Variants in ATP9A observed in about 807,000 individuals in gnomAD.
The protein encoded by ATP9A is probable phospholipid-transporting ATPase IIA.
A neutral mutation model predicts 144.1 loss-of-function variants in ATP9A; 52 were observed. The ratio of observed to expected loss-of-function variants is 0.36; its 90% CI spans 0.29 to 0.45. The LOEUF is 0.45. ATP9A is among the 20% of genes least tolerant of loss of function. The pLI, the probability that ATP9A is intolerant of heterozygous loss-of-function variation, is 1.00. For synonymous variants in ATP9A, 582 were observed against 557.4 expected (o/e 1.04, Z -0.62); for missense variants, 947 against 1,392.7 (o/e 0.68, Z 5.09).
chr20:51,666,856 C>T (rs917165187), intron 13 of ATP9A, among the ~76,000 whole-genome samples: 1 of 152,054 alleles, frequency 6.6e-6, no homozygotes, highest in African/African-American at 2.4e-5. Flanking sequence ...TTCAACATGG[C>T]TGAACTTTCA....
At chr20:51,700,902 G>T (rs1481589423) in intron 4 of ATP9A, among the ~76,000 whole-genome samples, 1 of 152,136 alleles carries the variant, frequency 6.6e-6, no homozygotes, top group Non-Finnish European at 1.5e-5. Context: ...TTGGCAGAAC[G>T]ATTTCATGGC....
chr20:51,617,264 T>A lies in ATP9A; in HGVS notation c.2415+226A>T, dbSNP rs1018157071. ...CGGGCCTAGAAACACTTTTTCTTTT[T>A]TTAAATTCAGGTCGTGGCAAACAAA... On this transcript the variant is annotated intron_variant, in intron 22 of 27. Coordinates refer to ENST00000338821, the MANE Select transcript of ATP9A (RefSeq NM_006045.3). Among the ~76,000 whole-genome samples the A allele has an allele frequency of 8.5e-5, 13 of 152,308 alleles. 1 individual carries two copies. The highest frequency in any genetic ancestry group is 8.5e-4 in the Admixed American group (13 of 15,294).
chr20:51,619,319 T>G (rs1314679993), intron 19 of ATP9A, among the ~76,000 whole-genome samples: 1 of 152,010 alleles, frequency 6.6e-6, no homozygotes, highest in East Asian at 1.9e-4. Context: ...ATCCCAGCAC[T>G]TTGGGAGGCT....
At chr20:51,640,062 G>A (rs2077312161) in intron 14 of ATP9A, among the ~76,000 whole-genome samples, 1 of 152,100 alleles carries the variant, frequency 6.6e-6, no homozygotes. Flanking sequence ...TCCAGCCTGG[G>A]TGACATAGCG....
At chr20:51,754,022 G>A (rs1454725618) in intron 1 of ATP9A, among the ~76,000 whole-genome samples, 1 of 151,840 alleles carries the variant, frequency 6.6e-6, no homozygotes, top group Admixed American at 6.6e-5. Flanking sequence ...TCAATTAGAG[G>A]AAAACAAAGA....
At chr20:51,603,872 C>A (rs1240488379) in intron 27 of ATP9A, among the ~76,000 whole-genome samples, 1 of 152,162 alleles carries the variant, frequency 6.6e-6, no homozygotes. Context: ...CCTTCGCCTC[C>A]CGGGTTCAGG....
chr20:51,766,990 T>C (rs886466787), intron 1 of ATP9A, among the ~76,000 whole-genome samples: 8 of 151,864 alleles, frequency 5.3e-5, no homozygotes, highest in African/African-American at 1.9e-4. Flanking sequence ...TTTCCTCCTC[T>C]GGGTAATATC....
rs746375796 is a variant in ATP9A at position 51,605,030 on chromosome 20, C to A, written c.2804-10G>T. 3 of 1,595,240 alleles carry A rather than the reference C, an allele frequency of 1.9e-6. No individual in the cohort carries two copies. The highest frequency in any genetic ancestry group is 2.6e-6 in the Non-Finnish European group (3 of 1,170,196). ...TACATGATGGTGCTCCCTGCAAACA[C>A]CAGAGAAGGGTATTCCCCTCACCCT... On this transcript the variant is annotated splice_polypyrimidine_tract_variant and intron_variant, in intron 26 of 27. Coordinates refer to ENST00000338821, the MANE Select transcript of ATP9A (RefSeq NM_006045.3).
Position 51,706,962 on chromosome 20 carries a change from C to T in ATP9A, c.436+6004G>A, listed in dbSNP as rs187620604. On this transcript the variant is annotated intron_variant, in intron 4 of 27. Coordinates refer to ENST00000338821, the MANE Select transcript of ATP9A (RefSeq NM_006045.3). ...ACCCTTCCATAGCCTCAGGTTCTCA[C>T]TGGCCTGTGTGGTCTTCTCTGGAGA... Among the ~76,000 whole-genome samples the T allele has an allele frequency of 1.6e-3, 239 of 152,304 alleles. 1 individual carries two copies. The highest frequency in any genetic ancestry group is 2.3e-3 in the South Asian group (11 of 4,828).
At position 51,689,055 on chromosome 20, in the gene ATP9A, G is replaced by C. The variant is rs1568821474; in HGVS notation, c.799+9C>G. On this transcript the variant is annotated intron_variant, in intron 9 of 27. Coordinates refer to ENST00000338821, the MANE Select transcript of ATP9A (RefSeq NM_006045.3). ...AATTGCTACCACATTCCTCAAAACGGCGCCTCACCTGATGCGACCACAGTG... is the reference window on the plus strand; with the variant it reads ...AATTGCTACCACATTCCTCAAAACGCCGCCTCACCTGATGCGACCACAGTG... 4 of 1,613,230 alleles carry C rather than the reference G, an allele frequency of 2.5e-6. No individual in the cohort carries two copies. Among genetic ancestry groups the C allele is most frequent in the Non-Finnish European group, 3.4e-6 (4 of 1,179,514 alleles).
chr20:51,649,623 C>T lies in ATP9A; in HGVS notation c.1506+7315G>A, dbSNP rs116727560. On this transcript the variant is annotated intron_variant, in intron 14 of 27. Transcript: ENST00000338821. ...GGTGCAGCAATGATTTGCTTAAAAT[C>T]GCACAGCTAGGCCGGGTGCAGTAGT... Among the ~76,000 whole-genome samples the T allele has an allele frequency of 1.6e-4, 24 of 152,306 alleles. 1 individual carries two copies. Among genetic ancestry groups the T allele is most frequent in the African/African-American group, 5.5e-4 (23 of 41,576 alleles).
intron 3 of ATP9A, among the ~76,000 whole-genome samples, chr20:51,720,609 G>A (rs1387016604): frequency 4.6e-5 from 7 of 152,136 alleles, no homozygotes; most frequent in African/African-American, 9.7e-5. Flanking sequence ...CAAGGTGGAC[G>A]GATCACTTGA....
chr20:51,732,646 G>T (rs6091358), intron 1 of ATP9A: 35,162 of 143,456 alleles, frequency 0.25, 4,676 homozygotes, highest in Non-Finnish European at 0.27. Context: ...ACTCATTCTT[G>T]TTGGCCCCTT....
chr20:51,720,283 A>G (rs901287921), intron 3 of ATP9A, among the ~76,000 whole-genome samples: 1 of 152,242 alleles, frequency 6.6e-6, no homozygotes, highest in African/African-American at 2.4e-5. Context: ...TTTTATATAC[A>G]TTGTAGACCA....
intron 3 of ATP9A, among the ~76,000 whole-genome samples, chr20:51,717,779 C>T (rs1372251579): frequency 6.6e-6 from 1 of 151,994 alleles, no homozygotes; most frequent in East Asian, 1.9e-4. Context: ...CATGGTGAAA[C>T]CCCGTATCCA....
rs777584594 is a variant in ATP9A at position 51,729,997 on chromosome 20, C to A, written c.69-19G>T. 5 of 1,510,896 alleles carry A rather than the reference C, an allele frequency of 3.3e-6. No homozygotes were observed. The African/African-American group carries it at 4.2e-5, about 13-fold the overall frequency. The allele number at this position is 1,510,896 out of a possible 1,614,324, so 93.6% of individuals were successfully genotyped here. On this transcript the variant is annotated intron_variant, in intron 1 of 27. Transcript: ENST00000338821. ...GCAGCACCTGTGGGAAAGAAACCCA[C>A]GCATCAAGGCCACGCCCACGCATCG...
chr20:51,685,802 G>C (rs1340565747), intron 9 of ATP9A, among the ~76,000 whole-genome samples: 1 of 152,216 alleles, frequency 6.6e-6, no homozygotes, highest in Non-Finnish European at 1.5e-5. Flanking sequence ...GTGGAAGACA[G>C]TGTGTTGATT....
chr20:51,756,235 T>TCC (rs1568849277), intron 1 of ATP9A, among the ~76,000 whole-genome samples: 1 of 151,488 alleles, frequency 6.6e-6, no homozygotes, highest in African/African-American at 2.4e-5. Flanking sequence ...ACAGCCACCT[T>TCC]CCCCCTGTGT....
chr20:51,634,625 G>A (rs571028381), intron 15 of ATP9A, among the ~76,000 whole-genome samples: 1 of 152,146 alleles, frequency 6.6e-6, no homozygotes, highest in East Asian at 1.9e-4. Context: ...GGAGGCCGAG[G>A]TGGGTGGATC....
Sources: gnomAD v4.1 joint callset for allele counts (sites outside exome capture counted in the v4.1 genomes callset) on GRCh38, gnomAD v4.1.1 for gene constraint, MANE v1.5 for transcripts, NCBI Gene and HGNC (gene_info 2026-07-23, HGNC 2026-07-21) for gene names.